Variants in WDR37 observed in about 807,000 individuals in gnomAD.
The protein encoded by WDR37 is WD repeat-containing protein 37.
WDR37 carries 19 observed loss-of-function variants against 62.9 expected under a neutral mutation model. The observed-to-expected ratio is 0.30, with a 90% CI of 0.21 to 0.44. The LOEUF is 0.44. WDR37 is among the 20% of genes least tolerant of loss of function. The probability of loss-of-function intolerance (pLI) is 1.00; values close to 1 mark genes in which losing one functional copy is unlikely to be tolerated. For missense variants in WDR37, 474 were observed against 657.6 expected, an observed-to-expected ratio of 0.72 and a Z score of 3.05; for synonymous variants, 250 against 260.9, an observed-to-expected ratio of 0.96 and a Z score of 0.40.
chr10:1,085,306 AT>A (rs1463614974), intron 6 of WDR37, among the ~76,000 whole-genome samples: 2 of 150,740 alleles, frequency 1.3e-5, no homozygotes, highest in East Asian at 3.9e-4. Context: ...TGTGTTTCTG[AT>A]TTGTGGATGT....
At chr10:1,078,559 G>A (rs887202058) in intron 3 of WDR37, among the ~76,000 whole-genome samples, 2 of 152,196 alleles carry the variant, frequency 1.3e-5, no homozygotes, top group Non-Finnish European at 2.9e-5. Context: ...TCCTGTGAAT[G>A]TAAGTAATCA....
rs1835950082 is a variant in WDR37, at chr10:1,131,685, T to TGG, written c.*2342_*2343insGG. 1.5e-5 allele frequency: 1 copy of TGG among 68,624 alleles called. No homozygotes were observed. Among genetic ancestry groups the TGG allele is most frequent in the Non-Finnish European group, 3.8e-5 (1 of 26,276 alleles). The allele number at this position is 68,624 out of a possible 1,614,324, so 4.3% of individuals were successfully genotyped here. A position where few individuals can be genotyped will look rare whatever the true frequency, so the allele number is the denominator to read the frequency against. Reference sequence around the variant, plus strand: ...GAGTCACAGACAAGATCGGGGATGGTGTGTGTGTGTGTGTGTGTGTGTGTG... The same window carrying TGG: ...GAGTCACAGACAAGATCGGGGATGGTGGGTGTGTGTGTGTGTGTGTGTGTGTG... On this transcript the variant is annotated 3_prime_UTR_variant, in exon 14 of 14. Coordinates refer to ENST00000263150, the MANE Select transcript of WDR37 (RefSeq NM_014023.4).
Position 1,105,414 on chromosome 10 carries a change from T to C in WDR37, c.1103+147T>C. 8.8e-7 allele frequency: 1 copy of C among 1,138,902 alleles called. No individual in the cohort carries two copies. The highest frequency in any genetic ancestry group is 2.2e-4 in the Middle Eastern group (1 of 4,552). The allele number at this position is 1,138,902 out of a possible 1,614,324, so 70.5% of individuals were successfully genotyped here. On this transcript the variant is annotated intron_variant, in intron 11 of 13. Transcript: ENST00000263150. This position sits in a 1 kb window ranked among gnomAD's most constrained non-coding sequence, Gnocchi z 5.3. ...ACTACCTTTCAAATTCTGCTATTCTTTTTCTAAACATTTAGCTCCATTTTG... is the reference window on the plus strand; with the variant it reads ...ACTACCTTTCAAATTCTGCTATTCTCTTTCTAAACATTTAGCTCCATTTTG...
chr10:1,126,692 G>A (rs942195694), intron 13 of WDR37, among the ~76,000 whole-genome samples: 2 of 152,218 alleles, frequency 1.3e-5, no homozygotes, highest in African/African-American at 2.4e-5. Context: ...CGGGGTGTGA[G>A]CCTCAGAACC....
At chr10:1,085,431 A>G (rs1327982139) in intron 6 of WDR37, among the ~76,000 whole-genome samples, 1 of 152,232 alleles carries the variant, frequency 6.6e-6, no homozygotes, top group Admixed American at 6.5e-5. Context: ...GGCCTCCCCC[A>G]GCAGATGTTT....
intron 7 of WDR37, among the ~76,000 whole-genome samples, chr10:1,088,551 A>G (rs1486037124): frequency 6.6e-6 from 1 of 152,110 alleles, no homozygotes; most frequent in African/African-American, 2.4e-5. Context: ...CACAACATTT[A>G]TTGAGTAAGT....
At chr10:1,104,954 A>G (rs1026540568) in intron 10 of WDR37, among the ~76,000 whole-genome samples, 172 bp from the exon 11 acceptor site, 1 of 152,218 alleles carries the variant, frequency 6.6e-6, no homozygotes, top group African/African-American at 2.4e-5. Context: ...AAAGGACTTC[A>G]GCTTCTGAGG....
At chr10:1,071,419 T>C (rs1196409848) in intron 1 of WDR37, among the ~76,000 whole-genome samples, 1 of 152,204 alleles carries the variant, frequency 6.6e-6, no homozygotes, top group African/African-American at 2.4e-5. Flanking sequence ...CCTAAGATTG[T>C]AGTAAGTAAC....
Position 1,072,424 on chromosome 10 carries a change from C to T in WDR37, c.138+131C>T, listed in dbSNP as rs74607617. The T allele has an allele frequency of 1.2e-3, 1,482 of 1,234,694 alleles. 17 individuals carry two copies. In the African/African-American group the frequency reaches 0.02, roughly 17 times the overall value. 76.5% of individuals were successfully genotyped at this position (1,234,694 alleles called of 1,614,324 possible). On this transcript the variant is annotated intron_variant, in intron 2 of 13. Transcript: ENST00000263150. ...CCACCTCCTGGGTGGAAGTGATTCT[C>T]CTGCCTCAGCCTACTGAGTAGCTGG...
chr10:1,088,744 T>C (rs1834285850), intron 7 of WDR37, among the ~76,000 whole-genome samples: 1 of 151,156 alleles, frequency 6.6e-6, no homozygotes, highest in African/African-American at 2.4e-5. Context: ...TACCAGCGTG[T>C]GTCACAGAGA....
intron 9 of WDR37, among the ~76,000 whole-genome samples, chr10:1,098,146 G>C (rs753233268): frequency 2.6e-5 from 4 of 152,148 alleles, no homozygotes; most frequent in Non-Finnish European, 5.9e-5. Context: ...CTAACCCCCA[G>C]TGTGGCTGTA....
intron 4 of WDR37, 70 bp downstream of exon 4, chr10:1,080,176 A>T (rs1018485249): frequency 3.3e-5 from 52 of 1,563,372 alleles, no homozygotes; most frequent in Middle Eastern, 1.7e-4. Flanking sequence ...TTAGTGAAGG[A>T]TGCTGGCTGG....
At chr10:1,118,799 C>T (rs1172687417) in intron 11 of WDR37, among the ~76,000 whole-genome samples, 1 of 152,202 alleles carries the variant, frequency 6.6e-6, no homozygotes, top group African/African-American at 2.4e-5. Flanking sequence ...CACGCACTGC[C>T]ACGCTGTCTC....
At chr10:1,089,627 G>A (rs1422635578) in intron 7 of WDR37, among the ~76,000 whole-genome samples, 4 of 151,412 alleles carry the variant, frequency 2.6e-5, no homozygotes, top group Non-Finnish European at 5.9e-5. Context: ...ACCTTCCCAT[G>A]CTCACCCACA....
rs187291343 is a variant in WDR37 at position 1,120,202 on chromosome 10, C to T, written c.1104-4016C>T. Among the ~76,000 whole-genome samples the T allele has an allele frequency of 1.5e-3, 235 of 152,294 alleles. 1 individual carries two copies. Among genetic ancestry groups the T allele is most frequent in the African/African-American group, 5.4e-3 (224 of 41,562 alleles). On this transcript the variant is annotated intron_variant, in intron 11 of 13. Transcript: ENST00000263150. Reference sequence around the variant, plus strand: ...GATGAGAAAGGCCGGGATGGAGCTTCGGAGACCCCGAGTGTGCATTTGGGC... The same window carrying T: ...GATGAGAAAGGCCGGGATGGAGCTTTGGAGACCCCGAGTGTGCATTTGGGC...
intron 11 of WDR37, among the ~76,000 whole-genome samples, chr10:1,119,832 C>T (rs916468202): frequency 6.6e-5 from 10 of 152,058 alleles, no homozygotes; most frequent in Non-Finnish European, 1.0e-4. Flanking sequence ...GTAGTGCAGC[C>T]CTTATCAGTG....
intron 9 of WDR37, among the ~76,000 whole-genome samples, chr10:1,101,048 ATTG>A (rs1334095753): frequency 6.6e-6 from 1 of 152,066 alleles, no homozygotes; most frequent in Non-Finnish European, 1.5e-5. Flanking sequence ...GAACGCCTGT[ATTG>A]TTCTCTTACT....
intron 11 of WDR37, among the ~76,000 whole-genome samples, chr10:1,120,247 G>T (rs1203183480): frequency 6.6e-6 from 1 of 152,208 alleles, no homozygotes; most frequent in Non-Finnish European, 1.5e-5. Context: ...GTGAAGAGAA[G>T]ACCTGTTTAA....
intron 2 of WDR37, among the ~76,000 whole-genome samples, chr10:1,075,441 C>A (rs55701841): frequency 7.0e-6 from 1 of 143,672 alleles, no homozygotes; most frequent in Non-Finnish European, 1.5e-5. Flanking sequence ...AGCCCCCCAA[C>A]GCCCCGACAG....
Sources: allele counts gnomAD v4.1 joint callset (sites outside exome capture counted in the v4.1 genomes callset), GRCh38; gene constraint gnomAD v4.1.1; non-coding constraint Gnocchi (gnomAD v3.1); transcripts MANE v1.5; gene names NCBI Gene and HGNC (gene_info 2026-07-23, HGNC 2026-07-21).